Variants in GPR176 observed in about 807,000 individuals in gnomAD.
The protein encoded by GPR176 is G protein-coupled receptor 176, also known as G-protein coupled receptor 176.
A neutral mutation model predicts 35.4 loss-of-function variants in GPR176; 26 were observed. The observed-to-expected ratio is 0.74, with a 90% CI of 0.54 to 1.02. GPR176 has a LOEUF of 1.02. Ranked by LOEUF, GPR176 falls within the 50% of genes least tolerant of loss-of-function variation. GPR176 has a pLI of 0.00. For missense variants in GPR176, 597 were observed against 665.3 expected, an observed-to-expected ratio of 0.90 and a Z score of 1.13; for synonymous variants, 278 against 271.3, an observed-to-expected ratio of 1.02 and a Z score of -0.24.
At chr15:39,871,455 G>A (rs58397355) in intron 1 of GPR176, among the ~76,000 whole-genome samples, 40,431 of 152,076 alleles carry the variant, frequency 0.27, 6,007 homozygotes, top group Non-Finnish European at 0.34. Context: ...GTAGAGAGTG[G>A]AGATGTAGGA....
chr15:39,807,738 C>T (rs1899294286), intron 1 of GPR176: 1 of 544,018 alleles, frequency 1.8e-6, no homozygotes. Context: ...TTATTCAACC[C>T]AACAGATCCC....
At chr15:39,916,426 T>C (rs1436119538) in intron 1 of GPR176, among the ~76,000 whole-genome samples, 1 of 152,220 alleles carries the variant, frequency 6.6e-6, no homozygotes, top group Non-Finnish European at 1.5e-5. Context: ...ACAAGCCTTG[T>C]GTTCATTTTC....
chr15:39,804,967 C>T (rs1899101680), intron 2 of GPR176, among the ~76,000 whole-genome samples: 1 of 152,088 alleles, frequency 6.6e-6, no homozygotes, highest in African/African-American at 2.4e-5. Context: ...AGTAAATGGG[C>T]ACAAGTTTCT....
chr15:39,898,724 A>T (rs1224628492), intron 1 of GPR176, among the ~76,000 whole-genome samples: 1 of 152,186 alleles, frequency 6.6e-6, no homozygotes. Context: ...GCAGGGTTTC[A>T]AAGAGTAAAG....
chr15:39,909,602 C>T (rs1185875864), intron 1 of GPR176, among the ~76,000 whole-genome samples: 1 of 152,212 alleles, frequency 6.6e-6, no homozygotes, highest in Non-Finnish European at 1.5e-5. Flanking sequence ...CCTTCCCTCT[C>T]CCAAAACAAA....
intron 1 of GPR176, among the ~76,000 whole-genome samples, chr15:39,909,660 CAAAAT>C (rs1277530223): frequency 6.6e-6 from 1 of 152,174 alleles, no homozygotes; most frequent in Non-Finnish European, 1.5e-5. Context: ...TTCTGGTTCT[CAAAAT>C]AAATGAAAAC....
intron 1 of GPR176, among the ~76,000 whole-genome samples, chr15:39,841,334 A>ACCCCCC (rs2029963530): frequency 1.5e-5 from 1 of 64,982 alleles, no homozygotes; most frequent in Non-Finnish European, 3.2e-5. Flanking sequence ...ACCCCACCCC[A>ACCCCCC]CCCCAAAAAA....
chr15:39,911,153 C>T (rs952141182), intron 1 of GPR176, among the ~76,000 whole-genome samples: 7 of 151,914 alleles, frequency 4.6e-5, no homozygotes, highest in Non-Finnish European at 8.8e-5. Context: ...TAATTTTTTT[C>T]TGTATTTTTT....
At chr15:39,820,303 CA>C (rs5812140) in intron 1 of GPR176, among the ~76,000 whole-genome samples, 98,606 of 151,398 alleles carry the variant, frequency 0.65, 32,198 homozygotes, top group Admixed American at 0.71. Flanking sequence ...AGTGATGGAT[CA>C]TCGAAGGTCA....
At chr15:39,860,863 G>T (rs553197847) in intron 1 of GPR176, 20 of 152,236 alleles carry the variant, frequency 1.3e-4, no homozygotes, top group African/African-American at 4.6e-4. Context: ...ATATGGTGCT[G>T]GGCGCCTTGG....
At chr15:39,842,182 A>T (rs1014457551) in intron 1 of GPR176, among the ~76,000 whole-genome samples, 9 of 152,152 alleles carry the variant, frequency 5.9e-5, no homozygotes, top group Non-Finnish European at 1.0e-4. Flanking sequence ...ACACAGTTCC[A>T]CAGGCTGTAT....
chr15:39,856,947 G>A (rs549753297), intron 1 of GPR176, among the ~76,000 whole-genome samples: 1 of 152,276 alleles, frequency 6.6e-6, no homozygotes, highest in African/African-American at 2.4e-5. Flanking sequence ...TTTATTGGTT[G>A]AGTTTGGGGA....
intron 1 of GPR176, among the ~76,000 whole-genome samples, chr15:39,866,640 A>C (rs2031841245): frequency 6.6e-6 from 1 of 152,162 alleles, no homozygotes; most frequent in Admixed American, 6.5e-5. Flanking sequence ...CTAAGAGAAA[A>C]ATATATGTAT....
chr15:39,911,733 T>C (rs2033582406), intron 1 of GPR176, among the ~76,000 whole-genome samples: 1 of 152,228 alleles, frequency 6.6e-6, no homozygotes, highest in Non-Finnish European at 1.5e-5. Flanking sequence ...GGTCATGCCT[T>C]ACAGTATGTT....
intron 1 of GPR176, among the ~76,000 whole-genome samples, chr15:39,905,879 C>CTGGT (rs2033407123): frequency 6.6e-6 from 1 of 152,048 alleles, no homozygotes; most frequent in South Asian, 2.1e-4. Context: ...ATGGAAATTT[C>CTGGT]GAGGGCAATG....
At chr15:39,914,918 T>C (rs574041233) in intron 1 of GPR176, among the ~76,000 whole-genome samples, 15 of 152,232 alleles carry the variant, frequency 9.9e-5, no homozygotes, top group Middle Eastern at 3.2e-3. Context: ...TGGTACCCCA[T>C]ATGATTTTGC....
At chr15:39,872,178 A>C (rs1464591770) in intron 1 of GPR176, among the ~76,000 whole-genome samples, 1 of 140,052 alleles carries the variant, frequency 7.1e-6, no homozygotes, top group Non-Finnish European at 1.5e-5. Flanking sequence ...AGAAGAAATA[A>C]GTTGTATAAT....
chr15:39,801,345 G>A lies in GPR176; in HGVS notation c.1335C>T (p.Phe445=), dbSNP rs1224745194. 2 of 1,614,140 alleles carry A rather than the reference G, an allele frequency of 1.2e-6. No individual in the cohort carries two copies. Among genetic ancestry groups the A allele is most frequent in the African/African-American group, 2.7e-5 (2 of 75,046 alleles). Residue 445 remains phenylalanine, a synonymous_variant, in exon 3 of 3, where the codon TTC becomes TTT. Transcript: ENST00000561100. ...APAAPVEPET[F]PDKYSLQFGF... is the part of the protein sequence containing the mutation. ...CAAACTGCAGGGAATACTTATCAGG[G>A]AATGTTTCAGGTTCCACAGGGGCTG... is the stretch of plus-strand genomic sequence containing the variant.
chr15:39,912,634 G>A (rs1286326286), intron 1 of GPR176, among the ~76,000 whole-genome samples: 2 of 148,196 alleles, frequency 1.3e-5, no homozygotes, highest in Non-Finnish European at 3.0e-5. Context: ...AAAAAAAAAC[G>A]AAAAGAAAAG....
Sources: allele counts gnomAD v4.1 joint callset (sites outside exome capture counted in the v4.1 genomes callset), GRCh38; gene constraint gnomAD v4.1.1; transcripts MANE v1.5; gene names NCBI Gene and HGNC (gene_info 2026-07-23, HGNC 2026-07-21).